ZKSCAN1: variants seen among roughly 807,000 people sequenced by gnomAD.
ZKSCAN1 encodes zinc finger with KRAB and SCAN domains 1, also known as zinc finger protein with KRAB and SCAN domains 1.
In ZKSCAN1, 14 loss-of-function variants were observed where a neutral mutation model predicts 51.6. The ratio of observed to expected loss-of-function variants is 0.27; its 90% CI spans 0.18 to 0.42. ZKSCAN1 has a LOEUF of 0.42. ZKSCAN1 is among the 10% of genes least tolerant of loss of function. The pLI is 1.00. For synonymous variants in ZKSCAN1, 263 were observed against 261.5 expected (o/e 1.01, Z -0.06); for missense variants, 531 against 710.0 (o/e 0.75, Z 2.86).
In ZKSCAN1 at chr7:100,036,868, A is replaced by G. The variant is rs1436050242; in HGVS notation, c.*2671A>G. On this transcript the variant is annotated 3_prime_UTR_variant, in exon 6 of 6. Coordinates refer to ENST00000324306, the MANE Select transcript of ZKSCAN1 (RefSeq NM_003439.4). ...TTCTTTCAGCCACAACTATATGCTG[A>G]TATAACTCAGCCATCACTTTTGAGT... is the stretch of plus-strand genomic sequence containing the variant. 1.0e-6 allele frequency: 1 copy of G among 984,370 alleles called. No homozygotes were observed. The highest frequency in any genetic ancestry group is 1.2e-6 in the Non-Finnish European group (1 of 829,800). The allele number at this position is 984,370 out of a possible 1,614,324, so 61.0% of individuals were successfully genotyped here.
At chr7:100,029,008 T>G (rs1374821024) in intron 3 of ZKSCAN1, among the ~76,000 whole-genome samples, 1 of 151,678 alleles carries the variant, frequency 6.6e-6, no homozygotes, top group Non-Finnish European at 1.5e-5. Context: ...CTACTAAAAA[T>G]ACAAAATTAG....
Position 100,034,392 on chromosome 7 carries a change from C to G in ZKSCAN1, c.*195C>G. On this transcript the variant is annotated 3_prime_UTR_variant, in exon 6 of 6. Coordinates refer to ENST00000324306, the MANE Select transcript of ZKSCAN1 (RefSeq NM_003439.4). The stretch of plus-strand genomic sequence containing the variant: ...GGGCATATAATCCTTCCACACAGCC[C>G]CTGCAGGGAAAGGCTAATCTTACGG... 7.6e-7 allele frequency: 1 copy of G among 1,322,672 alleles called. No homozygotes were observed. Among genetic ancestry groups the G allele is most frequent in the Non-Finnish European group, 9.6e-7 (1 of 1,042,704 alleles). The allele number at this position is 1,322,672 out of a possible 1,614,324, so 81.9% of individuals were successfully genotyped here.
At chr7:100,016,858 T>C (rs1387149930) in intron 1 of ZKSCAN1, 2 of 152,234 alleles carry the variant, frequency 1.3e-5, no homozygotes, top group Admixed American at 6.5e-5. Context: ...TTAGTATATA[T>C]GCTGAACAAA....
Position 100,038,828 on chromosome 7 carries a change from T to A in ZKSCAN1, c.*4631T>A. 1 of 696,758 alleles carries A rather than the reference T, an allele frequency of 1.4e-6. No homozygotes were observed. The highest frequency in any genetic ancestry group is 1.8e-6 in the Non-Finnish European group (1 of 566,648). 43.2% of individuals were successfully genotyped at this position (696,758 alleles called of 1,614,324 possible). On this transcript the variant is annotated 3_prime_UTR_variant, in exon 6 of 6. Transcript: ENST00000324306. ...GGCTAACATGGCGAAACCCCGTCTCTACTAAAAATACAAAAAAATAGCTGG... is the reference window on the plus strand; with the variant it reads ...GGCTAACATGGCGAAACCCCGTCTCAACTAAAAATACAAAAAAATAGCTGG...
rs1411262951 is a variant in ZKSCAN1 at position 100,022,782 on chromosome 7, G to A, written c.-88-637G>A. ...GGCTGTTGTAGGGACAAAAGAAGAT[G>A]GTGCGTGTACTGCTTTAAGCCTGGC... On this transcript the variant is annotated intron_variant, in intron 1 of 5. Transcript: ENST00000324306. Among the ~76,000 whole-genome samples the A allele has an allele frequency of 2.6e-5, 4 of 152,108 alleles. No individual in the cohort carries two copies. In the East Asian group the frequency reaches 7.7e-4, roughly 29 times the overall value.
intron 1 of ZKSCAN1, among the ~76,000 whole-genome samples, chr7:100,018,682 C>G (rs548867084): frequency 2.6e-5 from 4 of 152,144 alleles, no homozygotes; most frequent in Non-Finnish European, 5.9e-5. Context: ...CCACTGCGCC[C>G]GGCGCATCAT....
chr7:100,040,962 T>A lies in ZKSCAN1; in HGVS notation c.*6765T>A. On this transcript the variant is annotated 3_prime_UTR_variant, in exon 6 of 6. Coordinates refer to ENST00000324306, the MANE Select transcript of ZKSCAN1 (RefSeq NM_003439.4). The stretch of plus-strand genomic sequence containing the variant: ...ATGCAGGAAAATCTTGTCCTAAAAA[T>A]ATATGAGTTTGGGGGTAAGGGGTGG... The A allele has an allele frequency of 1.0e-6, 1 of 985,256 alleles. No individual in the cohort carries two copies. Among genetic ancestry groups the A allele is most frequent in the Non-Finnish European group, 1.2e-6 (1 of 829,898 alleles). The allele number at this position is 985,256 out of a possible 1,614,324, so 61.0% of individuals were successfully genotyped here.
intron 3 of ZKSCAN1, among the ~76,000 whole-genome samples, chr7:100,027,179 C>T (rs775285934): frequency 1.4e-4 from 22 of 151,732 alleles, no homozygotes; most frequent in Non-Finnish European, 2.1e-4. Flanking sequence ...CACCTGTAAT[C>T]GCAGCTACTC....
At position 100,041,248 on chromosome 7, in the gene ZKSCAN1, T is replaced by C; in HGVS notation, c.*7051T>C. On this transcript the variant is annotated 3_prime_UTR_variant, in exon 6 of 6. Coordinates refer to ENST00000324306, the MANE Select transcript of ZKSCAN1 (RefSeq NM_003439.4). Reference sequence around the variant, plus strand: ...CTGTATACCCGCAGAATGAAGTTACTGTTGTTAAAACTGGATTTTTTCATT... The same window carrying C: ...CTGTATACCCGCAGAATGAAGTTACCGTTGTTAAAACTGGATTTTTTCATT... The C allele has an allele frequency of 1.1e-6, 1 of 894,756 alleles. No homozygotes were observed. 55.4% of individuals were successfully genotyped at this position (894,756 alleles called of 1,614,324 possible). A position where few individuals can be genotyped will look rare whatever the true frequency, so the allele number is the denominator to read the frequency against.
Position 100,036,220 on chromosome 7 carries a change from T to C in ZKSCAN1, c.*2023T>C, listed in dbSNP as rs923969135. On this transcript the variant is annotated 3_prime_UTR_variant, in exon 6 of 6. Coordinates refer to ENST00000324306, the MANE Select transcript of ZKSCAN1 (RefSeq NM_003439.4). ...TTCTAAGCAGTTTCATCAGCATTAC[T>C]TGGGAAAACGTGTTGCAAGTCAACC... 1.2e-5 allele frequency: 12 copies of C among 985,300 alleles called. No homozygotes were observed. The highest frequency in any genetic ancestry group is 1.2e-4 in the Admixed American group (2 of 16,252). 61.0% of individuals were successfully genotyped at this position (985,300 alleles called of 1,614,324 possible).
At chr7:100,031,385 C>T (rs991463772) in intron 5 of ZKSCAN1, among the ~76,000 whole-genome samples, 2 of 149,768 alleles carry the variant, frequency 1.3e-5, no homozygotes, top group African/African-American at 2.5e-5. Flanking sequence ...TCAAGCAATC[C>T]TCCCACCTCA....
At chr7:100,025,810 G>C (rs534993771) in intron 3 of ZKSCAN1, among the ~76,000 whole-genome samples, 1 of 152,274 alleles carries the variant, frequency 6.6e-6, no homozygotes, top group South Asian at 2.1e-4. Flanking sequence ...TTTAGCCCAG[G>C]CACAGTGGCT....
chr7:100,019,829 G>A (rs1035566388), intron 1 of ZKSCAN1, among the ~76,000 whole-genome samples: 2 of 152,032 alleles, frequency 1.3e-5, no homozygotes, highest in Non-Finnish European at 2.9e-5. Context: ...AGCCTCCCGA[G>A]TAGCTGGGAC....
At chr7:100,031,322 G>C (rs988971832) in intron 5 of ZKSCAN1, among the ~76,000 whole-genome samples, 1 of 132,954 alleles carries the variant, frequency 7.5e-6, no homozygotes, top group East Asian at 2.4e-4. Flanking sequence ...CTGTTTCCCA[G>C]GCTGGCATGC....
At position 100,034,087 on chromosome 7, in the gene ZKSCAN1, C is replaced by T. The variant is rs905811134; in HGVS notation, c.1582C>T (p.Arg528Cys). The T allele has an allele frequency of 1.2e-6, 2 of 1,611,754 alleles. No homozygotes were observed. The highest frequency in any genetic ancestry group is 2.2e-5 in the East Asian group (1 of 44,888). ...KCTKCGKAFTRSSTLTLHHRI... is the reference protein window; with the variant it reads ...KCTKCGKAFTCSSTLTLHHRI... ...CACTAAGTGTGGCAAGGCCTTCACCCGCAGCTCCACCCTCACTCTGCATCA... is the reference window on the plus strand; with the variant it reads ...CACTAAGTGTGGCAAGGCCTTCACCTGCAGCTCCACCCTCACTCTGCATCA... The change falls in exon 6 of 6, where the codon CGC (arginine) becomes TGC (cysteine). Residue 528 changes from arginine to cysteine, a missense_variant. Around this residue, in one of 2 missense-constraint regions of ZKSCAN1, gnomAD observed 128 missense variants for 219.5 expected, o/e 0.58. Transcript: ENST00000324306.
intron 1 of ZKSCAN1, among the ~76,000 whole-genome samples, chr7:100,022,740 T>C (rs1790641969): frequency 6.6e-6 from 1 of 152,136 alleles, no homozygotes; most frequent in African/African-American, 2.4e-5. Context: ...CACTTAACAG[T>C]TTGGCCGACC....
chr7:100,030,279 T>C lies in ZKSCAN1; in HGVS notation c.703T>C (p.Ser235Pro). 1 of 1,614,100 alleles carries C rather than the reference T, an allele frequency of 6.2e-7. No individual in the cohort carries two copies. The change falls in exon 5 of 6, where the codon TCC (serine) becomes CCC (proline). Residue 235 changes from serine (S) to proline (P), a missense_variant. This residue lies in a region of ZKSCAN1 where 403 missense variants were observed against 490.5 expected (regional missense o/e 0.82). Coordinates refer to ENST00000324306, the MANE Select transcript of ZKSCAN1 (RefSeq NM_003439.4). The stretch of plus-strand genomic sequence containing the variant: ...GGTGAAGATCGAGGACATGGCTGTG[T>C]CCCTCATTCTGGAGGAATGGGGATG... The part of the protein sequence containing the change: ...AMVKIEDMAV[S>P]LILEEWGCQN...
rs1290418525 is a variant in ZKSCAN1, at chr7:100,039,299, C to T, written c.*5102C>T. 3 of 970,564 alleles carry T rather than the reference C, an allele frequency of 3.1e-6. No individual in the cohort carries two copies. Among genetic ancestry groups the T allele is most frequent in the South Asian group, 4.9e-5 (1 of 20,614 alleles). The allele number at this position is 970,564 out of a possible 1,614,324, so 60.1% of individuals were successfully genotyped here. On this transcript the variant is annotated 3_prime_UTR_variant, in exon 6 of 6. Transcript: ENST00000324306. ...TGCACTCCAGCCTGGGTAACAGAGA[C>T]TCTGTCTCAAAAAAAGAAAAAAAAA...
chr7:100,028,681 C>A (rs1446307966), intron 3 of ZKSCAN1, among the ~76,000 whole-genome samples: 1 of 150,058 alleles, frequency 6.7e-6, no homozygotes, highest in Non-Finnish European at 1.5e-5. Flanking sequence ...TTAAAATTTT[C>A]ATAATTGTTA....
Sources: gnomAD v4.1 joint callset for allele counts (sites outside exome capture counted in the v4.1 genomes callset) on GRCh38, gnomAD v4.1.1 for gene constraint, gnomAD v4.1.1 regional missense constraint, MANE v1.5 for transcripts, NCBI Gene and HGNC (gene_info 2026-07-23, HGNC 2026-07-21) for gene names.